CNTN4: variants seen among roughly 807,000 people sequenced by gnomAD.
The protein encoded by CNTN4 is contactin-4.
Under a neutral mutation model 122.5 loss-of-function variants are expected in CNTN4, and 77 were observed. The observed-to-expected ratio is 0.63, with a 90% CI of 0.52 to 0.76. The LOEUF (loss-of-function observed/expected upper bound fraction) is 0.76, where lower values mean the gene tolerates loss of function less well. CNTN4 is among the 30% of genes least tolerant of loss of function. CNTN4 has a pLI of 0.00. For missense variants in CNTN4, 1,256 were observed against 1,259.1 expected (o/e 1.00, Z 0.04); for synonymous variants, 512 against 447.0 (o/e 1.15, Z -1.83).
intron 2 of CNTN4, among the ~76,000 whole-genome samples, chr3:2,147,393 T>G (rs1183216626): frequency 6.6e-6 from 1 of 152,158 alleles, no homozygotes; most frequent in Non-Finnish European, 1.5e-5. Context: ...AAAAAAAATT[T>G]GCAGTAATTT....
chr3:2,318,762 C>G (rs1275128741), intron 2 of CNTN4, among the ~76,000 whole-genome samples: 1 of 152,176 alleles, frequency 6.6e-6, no homozygotes, highest in Non-Finnish European at 1.5e-5. Flanking sequence ...GCCTCCTCCT[C>G]CCAAGTATCT....
At chr3:2,820,843 C>G (rs935513133) in intron 7 of CNTN4, among the ~76,000 whole-genome samples, 8 of 151,522 alleles carry the variant, frequency 5.3e-5, no homozygotes, top group African/African-American at 1.5e-4. Flanking sequence ...TCTACGATCA[C>G]TTTGTGGAGA....
intron 3 of CNTN4, among the ~76,000 whole-genome samples, chr3:2,410,370 C>A (rs1039589538): frequency 1.1e-4 from 17 of 152,150 alleles, no homozygotes; most frequent in African/African-American, 3.6e-4. Flanking sequence ...CAGAAGATTT[C>A]CATCTTCTAA....
intron 13 of CNTN4, among the ~76,000 whole-genome samples, chr3:2,933,845 G>A (rs752426404): frequency 3.3e-5 from 5 of 152,156 alleles, no homozygotes; most frequent in Non-Finnish European, 7.3e-5. Flanking sequence ...GAGTGCATTG[G>A]AGTGCATATG....
chr3:2,556,480 A>C (rs2078725024), intron 3 of CNTN4, among the ~76,000 whole-genome samples: 1 of 152,192 alleles, frequency 6.6e-6, no homozygotes, highest in African/African-American at 2.4e-5. Context: ...CCAGTCTGAC[A>C]CACTGAAGCA....
At chr3:2,226,352 G>A (rs1472398125) in intron 2 of CNTN4, among the ~76,000 whole-genome samples, 1 of 152,124 alleles carries the variant, frequency 6.6e-6, no homozygotes, top group Non-Finnish European at 1.5e-5. Flanking sequence ...TATTGATGAG[G>A]AATTGTGAGT....
chr3:2,947,148 G>C (rs531980203), intron 13 of CNTN4, among the ~76,000 whole-genome samples: 2 of 152,082 alleles, frequency 1.3e-5, no homozygotes, highest in African/African-American at 2.4e-5. Context: ...CATTGTTTTC[G>C]CATTGTAGTT....
rs1354048437 is a variant in CNTN4, at chr3:2,985,913, T to A, written c.1359-2432T>A. On this transcript the variant is annotated intron_variant, in intron 13 of 24. Coordinates refer to ENST00000418658, the MANE Select transcript of CNTN4 (RefSeq NM_175607.3). ...TACAAATGACCAAATAAGAGAATAC[T>A]TTTTTTTTTTTTTTTTTTCGAGACA... Among the ~76,000 whole-genome samples the A allele has an allele frequency of 3.0e-5, 3 of 100,596 alleles. No individual in the cohort carries two copies. In the South Asian group the frequency reaches 8.1e-4, roughly 27 times the overall value. 66.0% of individuals were successfully genotyped at this position (100,596 alleles called of 152,430 possible).
At chr3:2,864,357 G>T (rs985857067) in intron 7 of CNTN4, among the ~76,000 whole-genome samples, 1 of 151,960 alleles carries the variant, frequency 6.6e-6, no homozygotes, top group Non-Finnish European at 1.5e-5. Flanking sequence ...CGACTTTCTG[G>T]TTGCTAAATG....
chr3:2,394,908 T>A (rs2046585973), intron 3 of CNTN4, among the ~76,000 whole-genome samples: 1 of 148,014 alleles, frequency 6.8e-6, no homozygotes, highest in Admixed American at 6.8e-5. Flanking sequence ...TGCCTCAGCC[T>A]CCCAAGTAGC....
chr3:2,840,681 A>G (rs1243825148), intron 7 of CNTN4, among the ~76,000 whole-genome samples: 2 of 150,166 alleles, frequency 1.3e-5, no homozygotes, highest in East Asian at 1.9e-4. Context: ...CCTGGGCGAC[A>G]GAGCGACACT....
chr3:2,826,640 C>T (rs765131934), intron 7 of CNTN4, among the ~76,000 whole-genome samples: 3 of 152,168 alleles, frequency 2.0e-5, no homozygotes, highest in East Asian at 3.9e-4. Context: ...TGTCTTCCCA[C>T]ACCTACTCAG....
At chr3:2,459,475 G>A (rs1388838799) in intron 3 of CNTN4, among the ~76,000 whole-genome samples, 9 of 152,044 alleles carry the variant, frequency 5.9e-5, no homozygotes, top group African/African-American at 2.2e-4. Context: ...TCCATCTACA[G>A]CGCATCTCCA....
rs768582827 is a variant in CNTN4 at position 2,887,098 on chromosome 3, A to G, written c.814A>G (p.Arg272Gly). The change falls in exon 10 of 25, where the codon AGA (arginine) becomes GGA (glycine). Residue 272 changes from arginine to glycine, a missense_variant. Physicochemically the swap from Arg to Gly is moderately radical, Grantham distance 125. Transcript: ENST00000418658. ...TGGAAAGCCAATAGCAAGGAAAGCC[A>G]GAAGACACAAGTCAAATGGAATTCT... Reference protein sequence around the residue: ...ADGKPIARKARRHKSNGILEI... With the variant: ...ADGKPIARKAGRHKSNGILEI... The G allele has an allele frequency of 1.2e-6, 2 of 1,614,174 alleles. No individual in the cohort carries two copies. The highest frequency in any genetic ancestry group is 2.2e-5 in the South Asian group (2 of 91,084).
At chr3:2,609,814 ATTT>A (rs2081406980) in intron 4 of CNTN4, among the ~76,000 whole-genome samples, 1 of 152,142 alleles carries the variant, frequency 6.6e-6, no homozygotes, top group Non-Finnish European at 1.5e-5. Context: ...TTTCAAATAA[ATTT>A]TTTACTATCA....
At chr3:2,366,883 C>T (rs1480310980) in intron 3 of CNTN4, among the ~76,000 whole-genome samples, 3 of 151,920 alleles carry the variant, frequency 2.0e-5, no homozygotes, top group African/African-American at 7.2e-5. Context: ...CTTTTAAGAG[C>T]TAAAAGAATA....
rs111415533 is a variant in CNTN4 at position 2,259,766 on chromosome 3, A to G, written c.-144-79412A>G. Among the ~76,000 whole-genome samples, 918 of 152,280 alleles carry G rather than the reference A, an allele frequency of 6.0e-3. 12 individuals are homozygous for G. The highest frequency in any genetic ancestry group is 0.021 in the African/African-American group (883 of 41,576). On this transcript the variant is annotated intron_variant, in intron 2 of 24. Coordinates refer to ENST00000418658, the MANE Select transcript of CNTN4 (RefSeq NM_175607.3). ...ACATGTGGGAATTATGGGAGCTACA[A>G]TTCAAGATGAGATTTGGGCGGGGGA...
chr3:2,272,350 C>T (rs1162680488), intron 2 of CNTN4, among the ~76,000 whole-genome samples: 2 of 152,008 alleles, frequency 1.3e-5, no homozygotes, highest in South Asian at 4.1e-4. Flanking sequence ...CACCATTTCT[C>T]TAATTTTCCT....
chr3:2,275,935 AAAC>A lies in CNTN4; in HGVS notation c.-144-63240_-144-63238del, dbSNP rs752953963. On this transcript the variant is annotated intron_variant, in intron 2 of 24. Transcript: ENST00000418658. ...ACTCTGTCTCAAAAAAAAAAAAAAA[AAAC>A]AAAAAAAAATATTAAATCTTGATTT... 2.1e-3 allele frequency among the ~76,000 whole-genome samples: 145 copies of A among 67,548 alleles called. 3 individuals are homozygous for A. Among genetic ancestry groups the A allele is most frequent in the African/African-American group, 5.9e-3 (107 of 18,254 alleles). The allele number at this position is 67,548 out of a possible 152,430, so 44.3% of individuals were successfully genotyped here. A position where few individuals can be genotyped will look rare whatever the true frequency, so the allele number is the denominator to read the frequency against.
Sources: gnomAD v4.1 joint callset for allele counts (sites outside exome capture counted in the v4.1 genomes callset) on GRCh38, gnomAD v4.1.1 for gene constraint, MANE v1.5 for transcripts, NCBI Gene and HGNC (gene_info 2026-07-23, HGNC 2026-07-21) for gene names.